COL19A1: variants seen among roughly 807,000 people sequenced by gnomAD.
The protein encoded by COL19A1 is collagen type XIX alpha 1 chain, also known as collagen alpha-1(XIX) chain.
In COL19A1, 159 loss-of-function variants were observed where a neutral mutation model predicts 190.2. That is an observed-to-expected ratio of 0.84 (90% CI 0.73 to 0.95). COL19A1 has a LOEUF of 0.95. Ranked by LOEUF, COL19A1 falls within the 40% of genes least tolerant of loss-of-function variation. The probability of loss-of-function intolerance (pLI) is 0.00; values close to 1 mark genes in which losing one functional copy is unlikely to be tolerated. For missense variants in COL19A1, 1,418 were observed against 1,431.9 expected (o/e 0.99, Z 0.16); for synonymous variants, 509 against 458.9 (o/e 1.11, Z -1.39).
chr6:70,185,446 C>T (rs1766450236), intron 46 of COL19A1, among the ~76,000 whole-genome samples: 1 of 152,098 alleles, frequency 6.6e-6, no homozygotes, highest in Non-Finnish European at 1.5e-5. Flanking sequence ...GAACTACTGA[C>T]ATGCAGAAAA....
chr6:70,160,660 G>A (rs531618369), intron 34 of COL19A1, among the ~76,000 whole-genome samples: 1 of 152,128 alleles, frequency 6.6e-6, no homozygotes, highest in African/African-American at 2.4e-5. Context: ...CACCACTGCA[G>A]TGTGATATAA....
chr6:70,087,672 G>A (rs569189380), intron 15 of COL19A1, among the ~76,000 whole-genome samples: 59 of 152,274 alleles, frequency 3.9e-4, no homozygotes, highest in African/African-American at 1.3e-3. Context: ...TGACTCCTTA[G>A]GTCAAATGCT....
intron 2 of COL19A1, among the ~76,000 whole-genome samples, chr6:69,886,594 T>G (rs915647715): frequency 6.6e-6 from 1 of 151,690 alleles, no homozygotes; most frequent in Non-Finnish European, 1.5e-5. Context: ...TGCTCATGGA[T>G]GGATGAATGG....
chr6:70,069,465 T>C (rs1781427913), intron 15 of COL19A1, among the ~76,000 whole-genome samples: 1 of 152,154 alleles, frequency 6.6e-6, no homozygotes, highest in Non-Finnish European at 1.5e-5. Context: ...TCTTATCGTA[T>C]GGATTCTGGA....
At chr6:70,143,558 G>A (rs189775446) in intron 23 of COL19A1, among the ~76,000 whole-genome samples, 203 of 152,028 alleles carry the variant, frequency 1.3e-3, no homozygotes, top group African/African-American at 4.6e-3. Context: ...TTCATGCCCT[G>A]GGAACAGCCC....
chr6:69,918,011 G>A lies in COL19A1; in HGVS notation c.267-9898G>A, dbSNP rs188668806. Among the ~76,000 whole-genome samples the A allele has an allele frequency of 1.3e-3, 193 of 152,206 alleles. 3 individuals are homozygous for A. The highest frequency in any genetic ancestry group is 3.7e-4 in the Non-Finnish European group (25 of 68,028). On this transcript the variant is annotated intron_variant, in intron 4 of 50. Coordinates refer to ENST00000620364, the MANE Select transcript of COL19A1 (RefSeq NM_001858.6). The stretch of plus-strand genomic sequence containing the variant: ...GAAACAGGAAGTACAAAGGCCCAAG[G>A]TCTCAATGAGCCTAGTGTGTTCAAG...
chr6:70,203,651 G>A (rs184235461), intron 49 of COL19A1, among the ~76,000 whole-genome samples: 232 of 151,966 alleles, frequency 1.5e-3, no homozygotes, highest in African/African-American at 5.4e-3. Flanking sequence ...ATGTATACAG[G>A]CGCACAGATT....
At chr6:70,177,949 G>A (rs1765918017) in intron 42 of COL19A1, among the ~76,000 whole-genome samples, 1 of 152,140 alleles carries the variant, frequency 6.6e-6, no homozygotes, top group South Asian at 2.1e-4. Context: ...GTGCAACAGT[G>A]GCCACAGGCA....
intron 20 of COL19A1, among the ~76,000 whole-genome samples, chr6:70,141,646 T>C (rs1249966780): frequency 6.6e-6 from 1 of 152,108 alleles, no homozygotes; most frequent in East Asian, 1.9e-4. Flanking sequence ...TAATGGGACA[T>C]GATAATTAGT....
intron 4 of COL19A1, among the ~76,000 whole-genome samples, chr6:69,921,253 T>C (rs533382395): frequency 7.7e-5 from 10 of 130,472 alleles, no homozygotes; most frequent in African/African-American, 2.0e-4. Context: ...ATATGTCATA[T>C]ATCATATCAT....
At chr6:70,196,470 T>G (rs1051476421) in intron 48 of COL19A1, among the ~76,000 whole-genome samples, 4 of 152,238 alleles carry the variant, frequency 2.6e-5, no homozygotes, top group African/African-American at 9.6e-5. Flanking sequence ...GACATTTCCA[T>G]GGGCATTAGG....
rs1341398995 is a variant in COL19A1 at position 70,146,811 on chromosome 6, G to A, written c.1816-1G>A. On this transcript the variant is annotated splice_acceptor_variant, in intron 26 of 50. Coordinates refer to ENST00000620364, the MANE Select transcript of COL19A1 (RefSeq NM_001858.6). LOFTEE classifies it high-confidence loss of function. ...AGTAACAGAAGCCTTTCATTTCACA[G>A]GGTGAAAGAGGACTTCCAGGTGTTC... 6.3e-7 allele frequency: 1 copy of A among 1,595,022 alleles called. No homozygotes were observed.
chr6:69,953,389 A>C (rs988235200), intron 9 of COL19A1, among the ~76,000 whole-genome samples: 1 of 151,980 alleles, frequency 6.6e-6, no homozygotes, highest in South Asian at 2.1e-4. Context: ...TTGTAAGCCT[A>C]CTTGTTGGCT....
intron 14 of COL19A1, among the ~76,000 whole-genome samples, chr6:70,065,603 C>T (rs1005847233): frequency 7.2e-5 from 11 of 152,134 alleles, no homozygotes; most frequent in African/African-American, 2.7e-4. Context: ...CCAAAATTGA[C>T]AAATGGGATC....
chr6:70,057,278 A>C (rs1473752686), intron 14 of COL19A1, among the ~76,000 whole-genome samples: 1 of 152,138 alleles, frequency 6.6e-6, no homozygotes, highest in African/African-American at 2.4e-5. Context: ...AGATGATACA[A>C]ATGGATTTGA....
chr6:69,878,076 A>T (rs1052789839), intron 1 of COL19A1, among the ~76,000 whole-genome samples: 8 of 152,100 alleles, frequency 5.3e-5, no homozygotes, highest in African/African-American at 1.9e-4. Context: ...TCCAAAGAAG[A>T]TACACAAATG....
intron 48 of COL19A1, among the ~76,000 whole-genome samples, chr6:70,194,180 C>T (rs1375959212): frequency 2.0e-5 from 3 of 152,194 alleles, no homozygotes; most frequent in African/African-American, 7.2e-5. Flanking sequence ...AGCAGGGACT[C>T]GAAGGAGTCC....
At chr6:70,113,289 A>G (rs562148242) in intron 16 of COL19A1, among the ~76,000 whole-genome samples, 28 of 152,326 alleles carry the variant, frequency 1.8e-4, no homozygotes, top group Middle Eastern at 3.4e-3. Flanking sequence ...GATGTCCTTG[A>G]TAAATGCTTA....
intron 11 of COL19A1, among the ~76,000 whole-genome samples, chr6:69,979,132 G>T (rs1775893830): frequency 6.6e-6 from 1 of 151,856 alleles, no homozygotes; most frequent in Non-Finnish European, 1.5e-5. Context: ...TTTTTCAGCA[G>T]GGTTTTATGT....
Sources: allele counts gnomAD v4.1 joint callset (sites outside exome capture counted in the v4.1 genomes callset), GRCh38; gene constraint gnomAD v4.1.1; transcripts MANE v1.5; gene names NCBI Gene and HGNC (gene_info 2026-07-23, HGNC 2026-07-21).